Variants in SFXN1 observed in about 807,000 individuals in gnomAD.
SFXN1 encodes sideroflexin-1.
Under a neutral mutation model 39.5 loss-of-function variants are expected in SFXN1, and 32 were observed. That is an observed-to-expected ratio of 0.81 (90% CI 0.61 to 1.09). The LOEUF (loss-of-function observed/expected upper bound fraction) is 1.09, where lower values mean the gene tolerates loss of function less well. SFXN1 is among the 50% of genes least tolerant of loss of function. The pLI, the probability that SFXN1 is intolerant of heterozygous loss-of-function variation, is 0.00. For synonymous variants in SFXN1, 136 were observed against 146.5 expected (o/e 0.93, Z 0.52); for missense variants, 402 against 407.1 (o/e 0.99, Z 0.11).
At chr5:175,489,456 A>G (rs114171596) in intron 1 of SFXN1, among the ~76,000 whole-genome samples, 2,040 of 152,344 alleles carry the variant, frequency 0.013, 44 homozygotes, top group African/African-American at 0.046. Context: ...TCTGTAGACG[A>G]GTCTGAAGAG....
In SFXN1 at chr5:175,527,566, C is replaced by A. The variant is rs1230550407; in HGVS notation, c.*832C>A. ...CCAATGCTGTATGAGTGGGCTGAAT[C>A]CAGTTCATTGTTTTTTTTTTGGTAA... On this transcript the variant is annotated 3_prime_UTR_variant, in exon 11 of 11. Transcript: ENST00000321442. 3 of 152,054 alleles carry A rather than the reference C, an allele frequency of 2.0e-5. No homozygotes were observed. The highest frequency in any genetic ancestry group is 4.4e-5 in the Non-Finnish European group (3 of 68,012). The allele number at this position is 152,054 out of a possible 1,614,324, so 9.4% of individuals were successfully genotyped here.
At chr5:175,498,056 CA>C (rs528025744) in intron 2 of SFXN1, among the ~76,000 whole-genome samples, 1 of 128,016 alleles carries the variant, frequency 7.8e-6, no homozygotes, top group Non-Finnish European at 1.6e-5. Flanking sequence ...TTGATCAAAA[CA>C]AAAAAATCAC....
chr5:175,506,864 C>A (rs1486640991), intron 2 of SFXN1, among the ~76,000 whole-genome samples: 1 of 152,188 alleles, frequency 6.6e-6, no homozygotes, highest in East Asian at 1.9e-4. Context: ...CGGGTTTTCA[C>A]CATGTTGGCC....
At chr5:175,492,340 C>A in intron 2 of SFXN1, 73 bp downstream of exon 2, 1 of 1,262,718 alleles carries the variant, frequency 7.9e-7, no homozygotes, top group Non-Finnish European at 1.0e-6. Flanking sequence ...TTTAAACCTT[C>A]ACTTAGTGAT....
At chr5:175,489,392 G>A (rs1759573320) in intron 1 of SFXN1, among the ~76,000 whole-genome samples, 1 of 152,178 alleles carries the variant, frequency 6.6e-6, no homozygotes. Flanking sequence ...CCACCTGCTT[G>A]AATTCCCCTG....
At chr5:175,502,781 C>T (rs1254932682) in intron 2 of SFXN1, among the ~76,000 whole-genome samples, 3 of 152,014 alleles carry the variant, frequency 2.0e-5, no homozygotes, top group East Asian at 1.9e-4. Context: ...GCAAAGGTTG[C>T]GATGAGCCAA....
intron 2 of SFXN1, among the ~76,000 whole-genome samples, chr5:175,505,322 G>A (rs1760246674): frequency 6.6e-6 from 1 of 151,542 alleles, no homozygotes; most frequent in Admixed American, 6.6e-5. Context: ...ATCACCTGAG[G>A]TTAAGAGTTC....
intron 6 of SFXN1, 105 bp from the exon 7 acceptor site, chr5:175,513,357 TG>T (rs1185652998): frequency 7.3e-5 from 52 of 711,296 alleles, no homozygotes; most frequent in Non-Finnish European, 1.0e-4. Context: ...GACACTTGAG[TG>T]GGTATTTGAA....
At chr5:175,510,265 G>C in intron 4 of SFXN1, 58 bp downstream of exon 4, 2 of 1,357,702 alleles carry the variant, frequency 1.5e-6, no homozygotes, top group Non-Finnish European at 2.1e-6. Flanking sequence ...TTTATTAAGT[G>C]GTGATACTCT....
At chr5:175,487,476 G>A (rs946703616) in intron 1 of SFXN1, among the ~76,000 whole-genome samples, 4 of 152,006 alleles carry the variant, frequency 2.6e-5, no homozygotes, top group East Asian at 1.9e-4. Context: ...TTGGCCAGTC[G>A]GGCTACCAAT....
chr5:175,488,305 C>CTTTTTT (rs541900398), intron 1 of SFXN1, among the ~76,000 whole-genome samples: 1 of 143,240 alleles, frequency 7.0e-6, no homozygotes. Flanking sequence ...AGATGCATTT[C>CTTTTTT]TTTTTTTTTT....
At chr5:175,514,983 G>A (rs375079068) in intron 7 of SFXN1, among the ~76,000 whole-genome samples, 3 of 152,184 alleles carry the variant, frequency 2.0e-5, no homozygotes, top group Non-Finnish European at 2.9e-5. Flanking sequence ...TCGAGGTTGC[G>A]GCTCCAGCTT....
At chr5:175,513,944 G>GGGA (rs1458591969) in intron 7 of SFXN1, among the ~76,000 whole-genome samples, 1 of 152,024 alleles carries the variant, frequency 6.6e-6, no homozygotes, top group Non-Finnish European at 1.5e-5. Flanking sequence ...GGGGCACAGT[G>GGGA]GGAGGGGTGG....
chr5:175,478,728 C>T (rs954758271), intron 1 of SFXN1, 89 bp downstream of exon 1: 3 of 151,856 alleles, frequency 2.0e-5, no homozygotes, highest in Non-Finnish European at 2.9e-5. Flanking sequence ...AGGCTCGGGC[C>T]GTGCACCCGC....
At chr5:175,524,994 A>G (rs1028361940) in intron 10 of SFXN1, among the ~76,000 whole-genome samples, 2 of 152,244 alleles carry the variant, frequency 1.3e-5, no homozygotes, top group African/African-American at 2.4e-5. Context: ...CTGAAGCAGC[A>G]TTTAATCTTC....
intron 2 of SFXN1, among the ~76,000 whole-genome samples, chr5:175,500,149 T>C (rs990859942): frequency 6.6e-6 from 1 of 152,070 alleles, no homozygotes; most frequent in East Asian, 1.9e-4. Flanking sequence ...GATTGCACCA[T>C]TGTACTCCAG....
chr5:175,513,384 A>G (rs1056260968), intron 6 of SFXN1, 79 bp from the exon 7 acceptor site: 12 of 1,423,854 alleles, frequency 8.4e-6, no homozygotes, highest in Non-Finnish European at 1.1e-5. Flanking sequence ...TAGAGGGTTG[A>G]TCTTTCCCAA....
At position 175,511,474 on chromosome 5, in the gene SFXN1, C is replaced by T. The variant is rs754173774; in HGVS notation, c.458C>T (p.Ser153Phe). 8.1e-6 allele frequency: 13 copies of T among 1,614,062 alleles called. No homozygotes were observed. The highest frequency in any genetic ancestry group is 1.0e-5 in the Non-Finnish European group (12 of 1,180,016). ...AGTGAGTTGGGAACAGCTTACGTTT[C>T]TGCAACAACTGGTGCCGTAGCAACA... ...TVNELGTAYVSATTGAVATAL... is the reference protein window; with the variant it reads ...TVNELGTAYVFATTGAVATAL... The change falls in exon 5 of 11, where the codon TCT becomes TTT. Residue 153 changes from serine (S) to phenylalanine (F), a missense_variant. By Grantham distance (155) the Ser-to-Phe change is radical. Transcript: ENST00000321442.
rs1761170953 is a variant in SFXN1, at chr5:175,529,173, C to T, written c.*2439C>T. On this transcript the variant is annotated 3_prime_UTR_variant, in exon 11 of 11. Coordinates refer to ENST00000321442, the MANE Select transcript of SFXN1 (RefSeq NM_022754.7). ...CCAACATGGAGAAACCCCGCCTCTA[C>T]TAAAAATACAAAAAATTAGCCAGGC... 1 of 152,052 alleles carries T rather than the reference C, an allele frequency of 6.6e-6. No individual in the cohort carries two copies. The highest frequency in any genetic ancestry group is 1.5e-5 in the Non-Finnish European group (1 of 68,058). The allele number at this position is 152,052 out of a possible 1,614,324, so 9.4% of individuals were successfully genotyped here.
Sources: allele counts gnomAD v4.1 joint callset (sites outside exome capture counted in the v4.1 genomes callset), GRCh38; gene constraint gnomAD v4.1.1; transcripts MANE v1.5; gene names NCBI Gene and HGNC (gene_info 2026-07-23, HGNC 2026-07-21).